Variants in DNM3 observed in about 807,000 individuals in gnomAD.
DNM3 encodes the protein dynamin-3.
DNM3 carries 47 observed loss-of-function variants against 101.6 expected under a neutral mutation model. That is an observed-to-expected ratio of 0.46 (90% CI 0.37 to 0.59). The LOEUF (loss-of-function observed/expected upper bound fraction) is 0.59, where lower values mean the gene tolerates loss of function less well. Ranked by LOEUF, DNM3 falls within the 20% of genes least tolerant of loss-of-function variation. The probability of loss-of-function intolerance (pLI) is 0.00; values close to 1 mark genes in which losing one functional copy is unlikely to be tolerated. For missense variants in DNM3, 849 were observed against 1,085.7 expected, an observed-to-expected ratio of 0.78 and a Z score of 3.06; for synonymous variants, 385 against 387.9, an observed-to-expected ratio of 0.99 and a Z score of 0.09.
chr1:172,200,074 G>T (rs1558716376), intron 14 of DNM3, among the ~76,000 whole-genome samples: 1 of 152,122 alleles, frequency 6.6e-6, no homozygotes, highest in South Asian at 2.1e-4. Flanking sequence ...TCATGTTCCT[G>T]TCAAGATCTC....
chr1:171,968,164 GCT>G (rs2043724493), intron 2 of DNM3, among the ~76,000 whole-genome samples: 1 of 152,146 alleles, frequency 6.6e-6, no homozygotes, highest in African/African-American at 2.4e-5. Flanking sequence ...CACGGAAAAT[GCT>G]CTGTTGTGAG....
chr1:171,928,055 GGTT>G (rs1416792262), intron 2 of DNM3, among the ~76,000 whole-genome samples: 2 of 152,162 alleles, frequency 1.3e-5, no homozygotes, highest in African/African-American at 2.4e-5. Context: ...CTTTGTGCAG[GGTT>G]GTTCTTTGAA....
At chr1:172,295,863 A>T (rs1328384030) in intron 15 of DNM3, among the ~76,000 whole-genome samples, 1 of 152,210 alleles carries the variant, frequency 6.6e-6, no homozygotes, top group Non-Finnish European at 1.5e-5. Flanking sequence ...AATGGAAAAA[A>T]ATGTAAAAAT....
intron 14 of DNM3, among the ~76,000 whole-genome samples, chr1:172,252,310 G>A (rs2062204736): frequency 6.6e-6 from 1 of 152,014 alleles, no homozygotes; most frequent in Non-Finnish European, 1.5e-5. Context: ...ATTAATTTAG[G>A]AGTAGGAAGT....
At chr1:171,868,735 G>A (rs560941828) in intron 1 of DNM3, among the ~76,000 whole-genome samples, 2 of 152,156 alleles carry the variant, frequency 1.3e-5, no homozygotes, top group East Asian at 3.9e-4. Context: ...CATTGATTGA[G>A]CAGTTGTGGT....
chr1:172,217,128 C>T (rs1410767414), intron 14 of DNM3, among the ~76,000 whole-genome samples: 3 of 152,138 alleles, frequency 2.0e-5, no homozygotes, highest in Non-Finnish European at 2.9e-5. Context: ...TCCACAAGCA[C>T]TATGAGCCAC....
chr1:172,080,700 G>T (rs1034472663), intron 11 of DNM3, among the ~76,000 whole-genome samples: 29 of 152,318 alleles, frequency 1.9e-4, no homozygotes, highest in South Asian at 4.2e-4. Context: ...ATCTAGCTCA[G>T]TGTCTGCCCA....
chr1:171,843,489 A>G (rs956399126), intron 1 of DNM3, among the ~76,000 whole-genome samples: 2 of 152,234 alleles, frequency 1.3e-5, no homozygotes, highest in Non-Finnish European at 2.9e-5. Context: ...TTGTCATGAC[A>G]CCTTAAGAGT....
chr1:171,990,924 T>A (rs541147244), intron 4 of DNM3, among the ~76,000 whole-genome samples: 1 of 152,106 alleles, frequency 6.6e-6, no homozygotes, highest in Non-Finnish European at 1.5e-5. Flanking sequence ...AAACTGGGAC[T>A]GGAATCTAGT....
At chr1:172,266,610 G>C (rs967243115) in intron 15 of DNM3, among the ~76,000 whole-genome samples, 16 of 152,104 alleles carry the variant, frequency 1.1e-4, no homozygotes, top group African/African-American at 3.6e-4. Context: ...AGTGAGAATT[G>C]CTTGTCTTCT....
At chr1:172,057,703 A>G in intron 10 of DNM3, among the ~76,000 whole-genome samples, 1 of 151,806 alleles carries the variant, frequency 6.6e-6, no homozygotes, top group Non-Finnish European at 1.5e-5. Context: ...AGCACTAAAC[A>G]TGGAAAGGAA....
rs1476263397 is a variant in DNM3, at chr1:172,056,936, A to G, written c.1335+8186A>G. ...ATTCAAACCAAAGGCAAAGAAGTTG[A>G]AAACTTTGAAAAAAATTTAGACGAA... On this transcript the variant is annotated intron_variant, in intron 10 of 20. Transcript: ENST00000627582. Among the ~76,000 whole-genome samples, 20 of 152,106 alleles carry G rather than the reference A, an allele frequency of 1.3e-4. No individual in the cohort carries two copies. In the East Asian group the frequency reaches 3.1e-3, roughly 24 times the overall value.
At chr1:172,298,277 C>T (rs945333520) in intron 15 of DNM3, among the ~76,000 whole-genome samples, 2 of 152,118 alleles carry the variant, frequency 1.3e-5, no homozygotes, top group African/African-American at 4.8e-5. Context: ...GGTATCCTTT[C>T]ATTTTCATTT....
intron 13 of DNM3, among the ~76,000 whole-genome samples, chr1:172,096,435 C>T (rs573003703): frequency 3.0e-4 from 46 of 152,086 alleles, no homozygotes; most frequent in Non-Finnish European, 4.4e-4. Flanking sequence ...TGTGGTGATC[C>T]GGGCTTGGGT....
chr1:172,378,946 G>C lies in DNM3; in HGVS notation c.1894-72G>C, dbSNP rs1260980306. 3 of 1,489,366 alleles carry C rather than the reference G, an allele frequency of 2.0e-6. No homozygotes were observed. In the African/African-American group the frequency reaches 4.2e-5, roughly 21 times the overall value. The allele number at this position is 1,489,366 out of a possible 1,614,324, so 92.3% of individuals were successfully genotyped here. ...TATGCTAATCAGAAGTTGATAATCT[G>C]ATAACGACTGACATTTTATTTTCTT... On this transcript the variant is annotated intron_variant, in intron 17 of 20. Transcript: ENST00000627582.
chr1:171,945,947 C>T (rs1031107219), intron 2 of DNM3, among the ~76,000 whole-genome samples: 5 of 152,144 alleles, frequency 3.3e-5, no homozygotes, highest in African/African-American at 9.7e-5. Context: ...CTATAGGAAA[C>T]TAAAGAAGAC....
At chr1:171,981,406 T>A (rs894276466) in intron 2 of DNM3, among the ~76,000 whole-genome samples, 1 of 152,244 alleles carries the variant, frequency 6.6e-6, no homozygotes, top group Non-Finnish European at 1.5e-5. Context: ...CTACTTAACC[T>A]TGATTAATTA....
intron 4 of DNM3, among the ~76,000 whole-genome samples, chr1:172,030,626 G>T (rs1265037367): frequency 3.3e-5 from 5 of 152,072 alleles, no homozygotes; most frequent in African/African-American, 1.2e-4. Flanking sequence ...CTACAGAATA[G>T]GAGAAAATTT....
intron 14 of DNM3, among the ~76,000 whole-genome samples, chr1:172,205,975 T>C (rs508742): frequency 0.59 from 89,676 of 151,976 alleles, 29,263 homozygotes; most frequent in African/African-American, 0.88. Flanking sequence ...CAGTATCATG[T>C]GTTGGTCATT....
Sources: gnomAD v4.1 joint callset for allele counts (sites outside exome capture counted in the v4.1 genomes callset) on GRCh38, gnomAD v4.1.1 for gene constraint, MANE v1.5 for transcripts, NCBI Gene and HGNC (gene_info 2026-07-23, HGNC 2026-07-21) for gene names.